SEMA4C: variants seen among roughly 807,000 people sequenced by gnomAD.
SEMA4C encodes the protein semaphorin-4C.
SEMA4C carries 19 observed loss-of-function variants against 89.0 expected under a neutral mutation model. The observed-to-expected ratio is 0.21, with a 90% CI of 0.15 to 0.31. The LOEUF is 0.31. SEMA4C is among the 10% of genes least tolerant of loss of function. The pLI is 1.00. For missense variants in SEMA4C, 811 were observed against 1,107.0 expected, an observed-to-expected ratio of 0.73 and a Z score of 3.79; for synonymous variants, 428 against 472.7, an observed-to-expected ratio of 0.91 and a Z score of 1.23.
In SEMA4C at chr2:96,866,325, G is replaced by A; in HGVS notation, c.216C>T (p.Ala72=). The change falls in exon 3 of 15, where the codon GCC becomes GCT. Residue 72 remains alanine (A), a synonymous_variant. Coordinates refer to ENST00000305476, the MANE Select transcript of SEMA4C (RefSeq NM_017789.5). ...GGGCCTCCATGCTGAAGGCAAACAG[G>A]GCCTCTCGGGCGCCCACGTACAGAA... is the stretch of plus-strand genomic sequence containing the variant. ...TGLLYVGARE[A]LFAFSMEALE... is the part of the protein sequence containing the mutation. The A allele has an allele frequency of 6.2e-7, 1 of 1,613,222 alleles. No individual in the cohort carries two copies. Among genetic ancestry groups the A allele is most frequent in the South Asian group, 1.1e-5 (1 of 91,082 alleles).
Position 96,864,130 on chromosome 2 carries a change from G to A in SEMA4C, c.1126C>T (p.Arg376Trp), listed in dbSNP as rs992146412. The change falls in exon 11 of 15, where the codon CGG becomes TGG. Residue 376 changes from arginine to tryptophan, a missense_variant. This residue lies in a region of SEMA4C where 441 missense variants were observed against 664.9 expected (regional missense o/e 0.66). Coordinates refer to ENST00000305476, the MANE Select transcript of SEMA4C (RefSeq NM_017789.5). This position sits in a 1 kb window ranked among gnomAD's most constrained non-coding sequence, Gnocchi z 6.3. ...AGGGAGCTGGTGTAGCCGTGGCGCC[G>A]ATGCCAGTTGTTAATGCACTGGGGG... Reference protein sequence around the residue: ...RPGSCINNWHRRHGYTSSLEL... With the variant: ...RPGSCINNWHWRHGYTSSLEL... The A allele has an allele frequency of 4.3e-6, 7 of 1,612,614 alleles. No individual in the cohort carries two copies. The highest frequency in any genetic ancestry group is 1.1e-5 in the South Asian group (1 of 91,060).
intron 12 of SEMA4C, chr2:96,863,279 G>T (rs1024587510): frequency 1.7e-5 from 17 of 1,018,454 alleles, no homozygotes; most frequent in Non-Finnish European, 2.0e-5. Context: ...TCACGGAAAT[G>T]GGGGCTGGAA....
intron 2 of SEMA4C, chr2:96,866,926 C>T: frequency 3.2e-6 from 1 of 316,312 alleles, no homozygotes; most frequent in South Asian, 2.7e-5. Flanking sequence ...GAGATGCGAG[C>T]ACAGCAGGCC....
At position 96,865,324 on chromosome 2, in the gene SEMA4C, T is replaced by C. The variant is rs777345779; in HGVS notation, c.518-4A>G. Reference sequence around the variant, plus strand: ...GTGGCCGAGTACAGCTCACCATCTATGGGAGACAGAGGTCAGCTAGGCCAC... The same window carrying C: ...GTGGCCGAGTACAGCTCACCATCTACGGGAGACAGAGGTCAGCTAGGCCAC... On this transcript the variant is annotated splice_region_variant and splice_polypyrimidine_tract_variant and intron_variant, in intron 6 of 14. Transcript: ENST00000305476. 2 of 1,614,036 alleles carry C rather than the reference T, an allele frequency of 1.2e-6. No individual in the cohort carries two copies. The highest frequency in any genetic ancestry group is 1.7e-6 in the Non-Finnish European group (2 of 1,179,962).
chr2:96,869,195 C>A, intron 1 of SEMA4C: 1 of 985,394 alleles, frequency 1.0e-6, no homozygotes, highest in Non-Finnish European at 1.2e-6. Context: ...ACCCGAGGAT[C>A]GGGCCGCACC....
In SEMA4C at chr2:96,861,828, G is replaced by T; in HGVS notation, c.1510C>A (p.Arg504Ser). 6.2e-7 allele frequency: 1 copy of T among 1,612,858 alleles called. No individual in the cohort carries two copies. The highest frequency in any genetic ancestry group is 8.5e-7 in the Non-Finnish European group (1 of 1,179,994). The part of the protein sequence containing the change: ...QLPVADCMKY[R>S]SCADCVLARD... ...GCGAGGACACAGTCTGCACAGGAGCGATACTTCATGCAGTCGGCCACGGGC... is the reference window on the plus strand; with the variant it reads ...GCGAGGACACAGTCTGCACAGGAGCTATACTTCATGCAGTCGGCCACGGGC... Residue 504 changes from arginine (R) to serine (S), a missense_variant, in exon 13 of 15, where the codon CGC (arginine) becomes AGC (serine). This residue lies in a region of SEMA4C where 441 missense variants were observed against 664.9 expected (regional missense o/e 0.66). Coordinates refer to ENST00000305476, the MANE Select transcript of SEMA4C (RefSeq NM_017789.5). The surrounding 1 kb of genome is among the most constrained non-coding windows in gnomAD (Gnocchi z 7.8).
Position 96,861,926 on chromosome 2 carries a change from C to T in SEMA4C, c.1444-32G>A, listed in dbSNP as rs749300351. 18 of 1,576,264 alleles carry T rather than the reference C, an allele frequency of 1.1e-5. No homozygotes were observed. The highest frequency in any genetic ancestry group is 1.5e-5 in the Non-Finnish European group (17 of 1,162,424). ...GAAAAGCGGGGCGCAGGAGGGGGGT[C>T]GGCCAGGGCCACACCACGGGAGGGG... On this transcript the variant is annotated intron_variant, in intron 12 of 14. Coordinates refer to ENST00000305476, the MANE Select transcript of SEMA4C (RefSeq NM_017789.5). This position sits in a 1 kb window ranked among gnomAD's most constrained non-coding sequence, Gnocchi z 7.8.
At chr2:96,867,948 GA>G in intron 1 of SEMA4C, 25 bp from the exon 2 acceptor site, 2 of 1,611,486 alleles carry the variant, frequency 1.2e-6, no homozygotes, top group East Asian at 4.5e-5. Context: ...GACATGGTCA[GA>G]AATCACAGCC....
Position 96,860,159 on chromosome 2 carries a change from G to GT in SEMA4C, c.*466dup, listed in dbSNP as rs969927078. ...ACATCGCTGCCCGACACTCGGGGCAGTGGGGGTAGGAGAGACAAAGTGATA... is the reference window on the plus strand; with the variant it reads ...ACATCGCTGCCCGACACTCGGGGCAGTTGGGGGTAGGAGAGACAAAGTGATA... On this transcript the variant is annotated 3_prime_UTR_variant, in exon 15 of 15. Transcript: ENST00000305476. 9 of 161,886 alleles carry GT rather than the reference G, an allele frequency of 5.6e-5. No homozygotes were observed. The highest frequency in any genetic ancestry group is 2.2e-4 in the African/African-American group (9 of 41,636). 10.0% of individuals were successfully genotyped at this position (161,886 alleles called of 1,614,324 possible). A position where few individuals can be genotyped will look rare whatever the true frequency, so the allele number is the denominator to read the frequency against.
intron 1 of SEMA4C, chr2:96,869,094 C>T (rs1248698984): frequency 1.0e-6 from 1 of 985,270 alleles, no homozygotes; most frequent in South Asian, 4.7e-5. Context: ...CTGCGGACGC[C>T]CCCTGTCGGC....
intron 12 of SEMA4C, chr2:96,862,250 GCATAA>G (rs757253407): frequency 2.6e-5 from 6 of 230,688 alleles, no homozygotes; most frequent in South Asian, 2.6e-4. Flanking sequence ...AACAGCAGCA[GCATAA>G]CATAAGATGT....
chr2:96,863,221 A>G (rs1317088392), intron 12 of SEMA4C: 1 of 990,624 alleles, frequency 1.0e-6, no homozygotes, highest in East Asian at 1.1e-4. Flanking sequence ...AAAAAAAACC[A>G]AAAAGAGTAT....
At chr2:96,870,400 C>T, upstream of SEMA4C, 2 of 903,686 alleles carry the variant, frequency 2.2e-6, no homozygotes, top group African/African-American at 1.8e-5. Flanking sequence ...AAGTGTCCCC[C>T]GAAGACTCCG....
chr2:96,861,408 C>A lies in SEMA4C; in HGVS notation c.1720G>T (p.Val574Leu), dbSNP rs970595144. 3 of 1,610,814 alleles carry A rather than the reference C, an allele frequency of 1.9e-6. No homozygotes were observed. Among genetic ancestry groups the A allele is most frequent in the Admixed American group, 3.3e-5 (2 of 59,994 alleles). ...TTGGAGGAGAGGTGGCAGGGCAGCA[C>A]CAGGTCTGTGCCCGCCACCACCGTG... ...NITVVAGTDLVLPCHLSSNLA... is the reference protein window; with the variant it reads ...NITVVAGTDLLLPCHLSSNLA... The change falls in exon 15 of 15, where the codon GTG (valine) becomes TTG (leucine). Residue 574 changes from valine (V) to leucine (L), a missense_variant. By Grantham distance (32) the Val-to-Leu change is conservative. This residue lies in a region of SEMA4C where 441 missense variants were observed against 664.9 expected (regional missense o/e 0.66). Transcript: ENST00000305476. This position sits in a 1 kb window ranked among gnomAD's most constrained non-coding sequence, Gnocchi z 7.8.
rs1332139416 is a variant in SEMA4C at position 96,860,712 on chromosome 2, G to A, written c.2416C>T (p.Leu806=). Residue 806 remains leucine, a synonymous_variant, in exon 15 of 15, where the codon CTG becomes TTG. Transcript: ENST00000305476. ...CTCAGTTCATCCGCGAGCTCAGGCA[G>A]GGGGTGCCCGAGCCCTCCCCGGTCC... ...GEDRGGLGHP[L]PELADELRRK... is the part of the protein sequence containing the mutation. 1 of 1,613,740 alleles carries A rather than the reference G, an allele frequency of 6.2e-7. No homozygotes were observed. The highest frequency in any genetic ancestry group is 2.2e-5 in the East Asian group (1 of 44,884).
chr2:96,869,834 G>C, intron 1 of SEMA4C, 42 bp downstream of exon 1: 5 of 985,376 alleles, frequency 5.1e-6, no homozygotes, highest in Non-Finnish European at 6.0e-6. Context: ...GCGGCTCCGG[G>C]GCCCCGCGGC....
Position 96,865,872 on chromosome 2 carries a change from T to A in SEMA4C, c.316A>T (p.Asn106Tyr). The A allele has an allele frequency of 6.2e-7, 1 of 1,614,030 alleles. No individual in the cohort carries two copies. The highest frequency in any genetic ancestry group is 2.2e-5 in the East Asian group (1 of 44,880). Reference protein sequence around the residue: ...KTECIQKGKNNQTECFNFIRF... With the variant: ...KTECIQKGKNYQTECFNFIRF... ...AGCAGCGTCCAAGCACCCACCTGGTTGTTCTTCCCTTTCTGGATACACTCA... is the reference window on the plus strand; with the variant it reads ...AGCAGCGTCCAAGCACCCACCTGGTAGTTCTTCCCTTTCTGGATACACTCA... Residue 106 changes from asparagine to tyrosine, a missense_variant, in exon 4 of 15, where the codon AAC becomes TAC. Around this residue, in one of 4 missense-constraint regions of SEMA4C, gnomAD observed 119 missense variants for 152.7 expected, o/e 0.78. Coordinates refer to ENST00000305476, the MANE Select transcript of SEMA4C (RefSeq NM_017789.5).
rs2080034034 is a variant in SEMA4C at position 96,864,896 on chromosome 2, G to A, written c.787-16C>T. On this transcript the variant is annotated splice_polypyrimidine_tract_variant and intron_variant, in intron 8 of 14. Coordinates refer to ENST00000305476, the MANE Select transcript of SEMA4C (RefSeq NM_017789.5). The surrounding 1 kb of genome is among the most constrained non-coding windows in gnomAD (Gnocchi z 6.3). ...CCATATCGCCCTGGCAGACGGCAAG[G>A]GGACACTGCCGGTCAGCCCCGCTGG... The A allele has an allele frequency of 5.0e-6, 8 of 1,612,234 alleles. No individual in the cohort carries two copies. Among genetic ancestry groups the A allele is most frequent in the Non-Finnish European group, 5.9e-6 (7 of 1,179,196 alleles).
chr2:96,861,661 T>G lies in SEMA4C; in HGVS notation c.1602-12A>C, dbSNP rs1331536117. 6.3e-7 allele frequency: 1 copy of G among 1,587,476 alleles called. No individual in the cohort carries two copies. Among genetic ancestry groups the G allele is most frequent in the African/African-American group, 1.3e-5 (1 of 74,578 alleles). ...GGATCAGTAGAGATCTGGTAGGGGA[T>G]GTAGGGTACATCAGCAGCCTGGCTC... is the stretch of plus-strand genomic sequence containing the variant. On this transcript the variant is annotated splice_polypyrimidine_tract_variant and intron_variant, in intron 13 of 14. Transcript: ENST00000305476. This position sits in a 1 kb window ranked among gnomAD's most constrained non-coding sequence, Gnocchi z 7.8.
Sources: gnomAD v4.1 joint callset for allele counts on GRCh38, gnomAD v4.1.1 for gene constraint, gnomAD v4.1.1 regional missense constraint, Gnocchi (gnomAD v3.1) non-coding constraint, MANE v1.5 for transcripts, NCBI Gene and HGNC (gene_info 2026-07-23, HGNC 2026-07-21) for gene names.